MDFI: variants seen among roughly 807,000 people sequenced by gnomAD.
MDFI encodes MyoD family inhibitor, also known as inhibitor of MyoD family a.
MDFI carries 16 observed loss-of-function variants against 22.3 expected under a neutral mutation model. The observed-to-expected ratio is 0.72, with a 90% CI of 0.49 to 1.09. MDFI has a LOEUF of 1.09. MDFI is among the 50% of genes least tolerant of loss of function. The probability of loss-of-function intolerance (pLI) is 0.00; values close to 1 mark genes in which losing one functional copy is unlikely to be tolerated. For missense variants in MDFI, 314 were observed against 326.1 expected, an observed-to-expected ratio of 0.96 and a Z score of 0.29; for synonymous variants, 145 against 142.7, an observed-to-expected ratio of 1.02 and a Z score of -0.12.
intron 3 of MDFI, among the ~76,000 whole-genome samples, chr6:41,646,856 C>G (rs1768071465): frequency 6.6e-6 from 1 of 152,222 alleles, no homozygotes; most frequent in South Asian, 2.1e-4. Context: ...CATCTTTAGA[C>G]ACATTTTTAC....
intron 3 of MDFI, among the ~76,000 whole-genome samples, chr6:41,647,593 AC>A (rs993185849): frequency 2.8e-5 from 3 of 107,084 alleles, no homozygotes; most frequent in African/African-American, 1.0e-4. Context: ...CCTGCTTCCC[AC>A]CCTCCCCCGA....
chr6:41,653,355 G>T lies in MDFI; in HGVS notation c.521G>T (p.Cys174Phe). ...CACTGCATCCTGTCCTGCCTGTTCTGCGAGTTCCTGACGCTGTGCAACATC... is the reference window on the plus strand; with the variant it reads ...CACTGCATCCTGTCCTGCCTGTTCTTCGAGTTCCTGACGCTGTGCAACATC... ...CVHCILSCLF[C>F]EFLTLCNIVL... The change falls in exon 5 of 5, where the codon TGC (cysteine) becomes TTC (phenylalanine). Residue 174 changes from cysteine to phenylalanine, a missense_variant. Cys to Phe is a radical substitution (Grantham distance 205, BLOSUM62 -2). Coordinates refer to ENST00000230321, the MANE Select transcript of MDFI (RefSeq NM_005586.4). The surrounding 1 kb of genome is among the most constrained non-coding windows in gnomAD (Gnocchi z 4.2). 1 of 1,612,482 alleles carries T rather than the reference G, an allele frequency of 6.2e-7. No homozygotes were observed.
Position 41,638,882 on chromosome 6 carries a change from C to T in MDFI, c.76+57C>T. 1 of 1,490,260 alleles carries T rather than the reference C, an allele frequency of 6.7e-7. No homozygotes were observed. The highest frequency in any genetic ancestry group is 9.0e-7 in the Non-Finnish European group (1 of 1,114,266). The allele number at this position is 1,490,260 out of a possible 1,614,324, so 92.3% of individuals were successfully genotyped here. On this transcript the variant is annotated intron_variant, in intron 2 of 4. Coordinates refer to ENST00000230321, the MANE Select transcript of MDFI (RefSeq NM_005586.4). This position sits in a 1 kb window ranked among gnomAD's most constrained non-coding sequence, Gnocchi z 7.6. ...AGGGGCGGGTGGGCGGCTGAAGGGG[C>T]CAGTTATTAGTTCTCCTCTCCGTCC... is the stretch of plus-strand genomic sequence containing the variant.
chr6:41,637,070 C>T (rs994556782), upstream of MDFI: 2 of 152,266 alleles, frequency 1.3e-5, no homozygotes, highest in Non-Finnish European at 2.9e-5. This position sits in a 1 kb window ranked among gnomAD's most constrained non-coding sequence, Gnocchi z 6.8. Context: ...CCGGCCGGCT[C>T]CTGGGGCACT....
intron 2 of MDFI, chr6:41,639,184 G>A (rs962375696): frequency 3.2e-6 from 3 of 951,518 alleles, no homozygotes; most frequent in African/African-American, 1.8e-5. Flanking sequence ...TATTTGTGGG[G>A]GCCTGGTGTG....
chr6:41,651,625 G>A (rs4714501), intron 4 of MDFI, among the ~76,000 whole-genome samples: 54,119 of 151,936 alleles, frequency 0.36, 10,408 homozygotes, highest in Admixed American at 0.52. Flanking sequence ...TTAGATTTAC[G>A]TTTGAAGATA....
chr6:41,644,105 G>A (rs28584655), intron 2 of MDFI, among the ~76,000 whole-genome samples: 13,726 of 151,416 alleles, frequency 0.091, 700 homozygotes, highest in South Asian at 0.15. Flanking sequence ...GGTGTAGACC[G>A]GGCTCAGGGC....
Position 41,653,705 on chromosome 6 carries a change from C to A in MDFI, c.*130C>A. ...CTCTCCCTGGTCCTCTCCTACCCAC[C>A]CATGTCCTCTCAGAACCCCAGCCTT... On this transcript the variant is annotated 3_prime_UTR_variant, in exon 5 of 5. Coordinates refer to ENST00000230321, the MANE Select transcript of MDFI (RefSeq NM_005586.4). This position sits in a 1 kb window ranked among gnomAD's most constrained non-coding sequence, Gnocchi z 4.2. 1 of 1,192,690 alleles carries A rather than the reference C, an allele frequency of 8.4e-7. No homozygotes were observed. The highest frequency in any genetic ancestry group is 1.5e-5 in the South Asian group (1 of 67,698). The allele number at this position is 1,192,690 out of a possible 1,614,324, so 73.9% of individuals were successfully genotyped here. A position where few individuals can be genotyped will look rare whatever the true frequency, so the allele number is the denominator to read the frequency against.
intron 3 of MDFI, among the ~76,000 whole-genome samples, chr6:41,646,961 T>C (rs1010825701): frequency 1.3e-5 from 2 of 152,238 alleles, no homozygotes; most frequent in African/African-American, 4.8e-5. Context: ...ATTTTAGAGA[T>C]GAGGAAACAG....
chr6:41,643,724 C>T (rs1185054354), intron 2 of MDFI, among the ~76,000 whole-genome samples: 2 of 151,846 alleles, frequency 1.3e-5, no homozygotes, highest in Admixed American at 6.6e-5. Context: ...AGTAGTAGGG[C>T]TGTGGGTGAA....
At chr6:41,646,342 A>C in intron 3 of MDFI, 34 bp downstream of exon 3, 1 of 1,391,816 alleles carries the variant, frequency 7.2e-7, no homozygotes. Context: ...TTGGATGGCA[A>C]CATGTAGGGT....
rs540009194 is a variant in MDFI, at chr6:41,641,857, G to T, written c.76+3032G>T. ...GGAAAGAGGTTCCCCCCTACTCCCT[G>T]TTGGTCCAGGACCACCCCTCAACTT... On this transcript the variant is annotated intron_variant, in intron 2 of 4. Coordinates refer to ENST00000230321, the MANE Select transcript of MDFI (RefSeq NM_005586.4). 3.3e-5 allele frequency among the ~76,000 whole-genome samples: 5 copies of T among 152,202 alleles called. No individual in the cohort carries two copies. In the South Asian group the frequency reaches 1.0e-3, roughly 32 times the overall value.
At position 41,646,155 on chromosome 6, in the gene MDFI, G is replaced by A. The variant is rs200104290; in HGVS notation, c.106G>A (p.Glu36Lys). ...AQTLSLLPGL[E>K]VVTGSTHPAE... ...GACCCTATCCCTCCTTCCTGGGCTG[G>A]AGGTAGTAACAGGATCCACTCACCC... Residue 36 changes from glutamate to lysine, a missense_variant, in exon 3 of 5, where the codon GAG becomes AAG. By Grantham distance (56) the Glu-to-Lys change is moderately conservative. Coordinates refer to ENST00000230321, the MANE Select transcript of MDFI (RefSeq NM_005586.4). 57 of 1,560,176 alleles carry A rather than the reference G, an allele frequency of 3.7e-5. No individual in the cohort carries two copies. The highest frequency in any genetic ancestry group is 4.6e-5 in the Non-Finnish European group (53 of 1,155,362).
rs781564135 is a variant in MDFI at position 41,646,231 on chromosome 6, T to C, written c.182T>C (p.Met61Thr). 2.5e-6 allele frequency: 4 copies of C among 1,592,612 alleles called. No homozygotes were observed. Among genetic ancestry groups the C allele is most frequent in the Non-Finnish European group, 3.4e-6 (4 of 1,169,772 alleles). ...EGSLEEAATP[M>T]PQGNGPGIPQ... The stretch of plus-strand genomic sequence containing the variant: ...TCCCTGGAGGAGGCGGCAACCCCCA[T>C]GCCCCAAGGCAATGGCCCTGGCATC... The change falls in exon 3 of 5, where the codon ATG becomes ACG. Residue 61 changes from methionine (M) to threonine (T), a missense_variant. Met to Thr is a moderately conservative substitution (Grantham distance 81). Transcript: ENST00000230321.
At chr6:41,641,662 CAGAGTTCCA>C (rs1767856587) in intron 2 of MDFI, among the ~76,000 whole-genome samples, 1 of 152,186 alleles carries the variant, frequency 6.6e-6, no homozygotes, top group Non-Finnish European at 1.5e-5. Context: ...CAGAGACGGT[CAGAGTTCCA>C]AGTGGGAAGC....
At chr6:41,637,546 CA>C (rs575160580), upstream of MDFI, among the ~76,000 whole-genome samples, 218 of 152,220 alleles carry the variant, frequency 1.4e-3, no homozygotes, top group Admixed American at 0.012. The surrounding 1 kb of genome is among the most constrained non-coding windows in gnomAD (Gnocchi z 6.8). Context: ...CGCCCAGCCC[CA>C]CCTGGAGAGC....
rs1197595124 is a variant in MDFI, at chr6:41,651,565, G to A, written c.484+1722G>A. ...ACCAGGCAGTAAGCCTAGACTATCT[G>A]GAGAGCAGTAGGGAGCCACTGAAGG... On this transcript the variant is annotated intron_variant, in intron 4 of 4. Transcript: ENST00000230321. Among the ~76,000 whole-genome samples the A allele has an allele frequency of 2.6e-5, 4 of 152,180 alleles. No individual in the cohort carries two copies. In the East Asian group the frequency reaches 7.7e-4, roughly 29 times the overall value.
At chr6:41,646,073 G>T (rs1768038781) in intron 2 of MDFI, 53 bp from the exon 3 acceptor site, 1 of 1,405,886 alleles carries the variant, frequency 7.1e-7, no homozygotes, top group African/African-American at 1.5e-5. Context: ...CCACGGCTGG[G>T]CAAACAGGAA....
In MDFI at chr6:41,638,749, G is replaced by T; in HGVS notation, c.-1G>T. 5 of 1,566,706 alleles carry T rather than the reference G, an allele frequency of 3.2e-6. No individual in the cohort carries two copies. The highest frequency in any genetic ancestry group is 2.3e-5 in the East Asian group (1 of 42,956). On this transcript the variant is annotated 5_prime_UTR_variant, in exon 2 of 5. Transcript: ENST00000230321. The surrounding 1 kb of genome is among the most constrained non-coding windows in gnomAD (Gnocchi z 7.6). ...CCCTGTTTTCCGCAGGTCCGGGGCC[G>T]ATGTACCAGGTGAGCGGCCAGCGCC...
Sources: gnomAD v4.1 joint callset for allele counts (sites outside exome capture counted in the v4.1 genomes callset) on GRCh38, gnomAD v4.1.1 for gene constraint, Gnocchi (gnomAD v3.1) non-coding constraint, MANE v1.5 for transcripts, NCBI Gene and HGNC (gene_info 2026-07-23, HGNC 2026-07-21) for gene names.